The following BBS9 variants were observed in gnomAD, a reference collection of about 807,000 sequenced individuals.
BBS9 encodes the protein Bardet-Biedl syndrome 9.
A neutral mutation model predicts 117.7 loss-of-function variants in BBS9; 89 were observed. That is an observed-to-expected ratio of 0.76 (90% CI 0.64 to 0.90). The LOEUF (loss-of-function observed/expected upper bound fraction) is 0.90. Among genes scored for constraint, BBS9 ranks in the 40% least tolerant of loss-of-function variants. The probability of loss-of-function intolerance (pLI) is 0.00; values close to 1 mark genes in which losing one functional copy is unlikely to be tolerated. For synonymous variants in BBS9, 379 were observed against 370.9 expected (o/e 1.02, Z -0.25); for missense variants, 982 against 1,042.2 (o/e 0.94, Z 0.80).
intron 20 of BBS9, among the ~76,000 whole-genome samples, chr7:33,512,078 A>C (rs1379185587): frequency 6.6e-6 from 1 of 152,242 alleles, no homozygotes; most frequent in African/African-American, 2.4e-5. Flanking sequence ...CCATGATCTT[A>C]GCCAGCAAGA....
At chr7:33,256,835 T>G (rs1797153304) in intron 5 of BBS9, among the ~76,000 whole-genome samples, 1 of 152,166 alleles carries the variant, frequency 6.6e-6, no homozygotes, top group South Asian at 2.1e-4. Flanking sequence ...TAGCAGGACA[T>G]GAAAGGTTAT....
chr7:33,274,058 A>C, intron 9 of BBS9, 102 bp downstream of exon 9: 1 of 1,304,872 alleles, frequency 7.7e-7, no homozygotes, highest in South Asian at 1.2e-5. Context: ...AAAAAATTAC[A>C]GGTGACATTG....
chr7:33,169,898 C>G (rs1453065073), intron 4 of BBS9, among the ~76,000 whole-genome samples: 2 of 151,752 alleles, frequency 1.3e-5, no homozygotes, highest in Non-Finnish European at 2.9e-5. Flanking sequence ...TGCCTATGTT[C>G]TGAATGGTAA....
intron 9 of BBS9, among the ~76,000 whole-genome samples, chr7:33,282,070 T>G (rs981106037): frequency 6.6e-6 from 1 of 152,168 alleles, no homozygotes; most frequent in Admixed American, 6.5e-5. Flanking sequence ...TTCCTTGGCC[T>G]CCCAAAATGC....
Position 33,538,157 on chromosome 7 carries a change from G to A in BBS9, c.2521+3981G>A, listed in dbSNP as rs145218621. ...ATGACTTCACATGTCATAATGGGCC[G>A]TAGCTTCAGCTGTATTTTCTTTCAC... is the stretch of plus-strand genomic sequence containing the variant. On this transcript the variant is annotated intron_variant, in intron 21 of 22. Transcript: ENST00000242067. 8.5e-5 allele frequency among the ~76,000 whole-genome samples: 13 copies of A among 152,308 alleles called. No homozygotes were observed. In the East Asian group the frequency reaches 2.1e-3, roughly 25 times the overall value.
At chr7:33,301,051 T>TGAAGG (rs1454555450) in intron 9 of BBS9, among the ~76,000 whole-genome samples, 11 of 152,194 alleles carry the variant, frequency 7.2e-5, no homozygotes, top group Admixed American at 3.9e-4. Context: ...ATTATAATTA[T>TGAAGG]TACTTCTTTG....
At chr7:33,475,584 G>A (rs1056751976) in intron 19 of BBS9, among the ~76,000 whole-genome samples, 1 of 151,644 alleles carries the variant, frequency 6.6e-6, no homozygotes, top group Non-Finnish European at 1.5e-5. Flanking sequence ...TAGCCACCCT[G>A]CCTCTCCTCT....
chr7:33,406,167 A>G (rs1433399641), intron 19 of BBS9, among the ~76,000 whole-genome samples: 3 of 152,090 alleles, frequency 2.0e-5, no homozygotes, highest in Non-Finnish European at 4.4e-5. Flanking sequence ...TGAGTTTCTT[A>G]ATCCTGAGTT....
intron 5 of BBS9, among the ~76,000 whole-genome samples, chr7:33,247,271 A>T (rs1583861566): frequency 6.6e-6 from 1 of 152,166 alleles, no homozygotes; most frequent in Admixed American, 6.5e-5. Flanking sequence ...TTTTAATTAT[A>T]TTTAATCCTT....
intron 9 of BBS9, among the ~76,000 whole-genome samples, chr7:33,290,862 CT>C (rs1803908266): frequency 6.6e-6 from 1 of 152,088 alleles, no homozygotes; most frequent in African/African-American, 2.4e-5. Flanking sequence ...TGTGTATTTG[CT>C]TTATTCCTTT....
chr7:33,231,017 G>A (rs1009357489), intron 5 of BBS9, among the ~76,000 whole-genome samples: 6 of 152,098 alleles, frequency 3.9e-5, no homozygotes, highest in African/African-American at 1.2e-4. Flanking sequence ...CATAGAAGTC[G>A]TACTAATTTA....
intron 19 of BBS9, among the ~76,000 whole-genome samples, chr7:33,467,310 A>G (rs563971648): frequency 1.3e-5 from 2 of 151,488 alleles, no homozygotes; most frequent in East Asian, 1.9e-4. Context: ...ATGACATGCT[A>G]TATCCTTGTT....
intron 19 of BBS9, among the ~76,000 whole-genome samples, chr7:33,426,832 A>C (rs897148525): frequency 2.6e-5 from 4 of 152,086 alleles, no homozygotes; most frequent in Non-Finnish European, 1.5e-5. Context: ...GTTTCTGTGC[A>C]TCTTGTGAGC....
intron 14 of BBS9, among the ~76,000 whole-genome samples, 159 bp from the exon 15 acceptor site, chr7:33,352,700 A>T (rs1818890575): frequency 6.6e-6 from 1 of 152,050 alleles, no homozygotes; most frequent in Non-Finnish European, 1.5e-5. Context: ...TTGTGGATTG[A>T]CTTGTGTTTG....
At chr7:33,281,069 G>T (rs1380208596) in intron 9 of BBS9, among the ~76,000 whole-genome samples, 1 of 151,458 alleles carries the variant, frequency 6.6e-6, no homozygotes, top group Non-Finnish European at 1.5e-5. Context: ...CTGATATTTA[G>T]CACCTCTGCA....
chr7:33,270,254 A>G (rs2128339116), intron 7 of BBS9, among the ~76,000 whole-genome samples: 1 of 152,328 alleles, frequency 6.6e-6, no homozygotes, highest in Admixed American at 6.5e-5. Context: ...TCATGCACAC[A>G]GATGAAAAAA....
chr7:33,393,384 C>A (rs1351879440), intron 19 of BBS9, among the ~76,000 whole-genome samples: 1 of 152,150 alleles, frequency 6.6e-6, no homozygotes, highest in Non-Finnish European at 1.5e-5. Context: ...GTCACCTGCA[C>A]AGTCACACAG....
chr7:33,388,378 C>T (rs866357717), intron 19 of BBS9, among the ~76,000 whole-genome samples: 3 of 152,248 alleles, frequency 2.0e-5, no homozygotes, highest in Middle Eastern at 3.4e-3. Context: ...CCACATATTA[C>T]CTCCCGGAGT....
rs75605594 is a variant in BBS9, at chr7:33,603,575, T to C, written c.2522-1290T>C. Reference sequence around the variant, plus strand: ...TGTGTAGGAATTAAGTGAGATAATATGGGCAAGATTTCTAACCCTTAGAAA... The same window carrying C: ...TGTGTAGGAATTAAGTGAGATAATACGGGCAAGATTTCTAACCCTTAGAAA... On this transcript the variant is annotated intron_variant, in intron 21 of 22. Transcript: ENST00000242067. 2.2e-3 allele frequency among the ~76,000 whole-genome samples: 342 copies of C among 152,262 alleles called. 7 individuals are homozygous for C. In the East Asian group the frequency reaches 0.05, roughly 22 times the overall value.
Sources: gnomAD v4.1 joint callset for allele counts (sites outside exome capture counted in the v4.1 genomes callset) on GRCh38, gnomAD v4.1.1 for gene constraint, MANE v1.5 for transcripts, NCBI Gene and HGNC (gene_info 2026-07-23, HGNC 2026-07-21) for gene names.